Variants in MFAP1 observed in about 807,000 individuals in gnomAD.
MFAP1 encodes the protein microfibril associated protein 1, also known as microfibrillar-associated protein 1.
A neutral mutation model predicts 62.2 loss-of-function variants in MFAP1; 18 were observed. The observed-to-expected ratio is 0.29, with a 90% CI of 0.20 to 0.43. The LOEUF is 0.43. Ranked by LOEUF, MFAP1 falls within the 20% of genes least tolerant of loss-of-function variation. The pLI is 1.00. For synonymous variants in MFAP1, 175 were observed against 180.4 expected, an observed-to-expected ratio of 0.97 and a Z score of 0.24; for missense variants, 355 against 559.7, an observed-to-expected ratio of 0.63 and a Z score of 3.69.
intron 2 of MFAP1, among the ~76,000 whole-genome samples, chr15:43,816,876 A>C (rs151204107): frequency 2.0e-5 from 3 of 152,356 alleles, no homozygotes; most frequent in African/African-American, 7.2e-5. Flanking sequence ...TCAATTTACC[A>C]AAGTTTATAA....
At chr15:43,805,947 T>C (rs1039668995) in intron 7 of MFAP1, among the ~76,000 whole-genome samples, 1 of 109,858 alleles carries the variant, frequency 9.1e-6, no homozygotes, top group African/African-American at 3.0e-5. Context: ...GTATTTCTCC[T>C]TTTTTTTTTT....
rs754915275 is a variant in MFAP1 at position 43,815,089 on chromosome 15, C to T, written c.300-15G>A. The T allele has an allele frequency of 6.2e-7, 1 of 1,613,840 alleles. No individual in the cohort carries two copies. Among genetic ancestry groups the T allele is most frequent in the South Asian group, 1.1e-5 (1 of 91,046 alleles). On this transcript the variant is annotated splice_polypyrimidine_tract_variant and intron_variant, in intron 2 of 8. Transcript: ENST00000267812. ...GTCGAGCCAATCTGAAAAACAGTAT[C>T]TCCAAATGTAACACCAATGTCATAA...
At chr15:43,824,337 G>A (rs987680427) in intron 1 of MFAP1, among the ~76,000 whole-genome samples, 154 bp downstream of exon 1, 1 of 152,058 alleles carries the variant, frequency 6.6e-6, no homozygotes, top group Admixed American at 6.6e-5. Flanking sequence ...GAACAAGATC[G>A]GATGCAAGTG....
intron 7 of MFAP1, 146 bp from the exon 8 acceptor site, chr15:43,805,611 A>T (rs1383364736): frequency 6.3e-6 from 4 of 638,282 alleles, no homozygotes; most frequent in African/African-American, 1.9e-5. Flanking sequence ...TGAAGAGATG[A>T]CATTCTTTTT....
intron 1 of MFAP1, among the ~76,000 whole-genome samples, chr15:43,820,706 A>T (rs943224104): frequency 6.6e-6 from 1 of 152,126 alleles, no homozygotes; most frequent in Non-Finnish European, 1.5e-5. Flanking sequence ...CCTAGGCTCA[A>T]ACCATTCTCC....
At chr15:43,824,399 G>A in intron 1 of MFAP1, 92 bp downstream of exon 1, 2 of 1,218,090 alleles carry the variant, frequency 1.6e-6, no homozygotes, top group Non-Finnish European at 2.3e-6. Flanking sequence ...AAGAGCTGGC[G>A]GGGTTGGAGT....
At chr15:43,813,569 GGT>G (rs1214830636) in intron 4 of MFAP1, among the ~76,000 whole-genome samples, 1 of 146,698 alleles carries the variant, frequency 6.8e-6, no homozygotes, top group African/African-American at 2.6e-5. Flanking sequence ...GCAGTGCAGT[GGT>G]GTGATCTTGG....
chr15:43,809,106 G>A (rs1334862376), intron 7 of MFAP1, among the ~76,000 whole-genome samples: 3 of 152,158 alleles, frequency 2.0e-5, no homozygotes, highest in African/African-American at 7.2e-5. Context: ...ATTCAGCTAT[G>A]AAAGAATGAC....
chr15:43,823,657 A>G (rs2087481010), intron 1 of MFAP1, among the ~76,000 whole-genome samples: 1 of 152,192 alleles, frequency 6.6e-6, no homozygotes, highest in Admixed American at 6.5e-5. Flanking sequence ...GTTTATGGGC[A>G]TAAGACACCG....
At position 43,824,678 on chromosome 15, in the gene MFAP1, C is replaced by A; in HGVS notation, c.-109G>T. 9.3e-7 allele frequency: 1 copy of A among 1,069,972 alleles called. No homozygotes were observed. The highest frequency in any genetic ancestry group is 1.3e-5 in the South Asian group (1 of 75,830). 66.3% of individuals were successfully genotyped at this position (1,069,972 alleles called of 1,614,324 possible). ...CTTCCACCTGAGTCCGCGAACACAG[C>A]TGCGCGACTGATAGAGAAACTACTT... On this transcript the variant is annotated 5_prime_UTR_variant, in exon 1 of 9. Transcript: ENST00000267812.
At chr15:43,819,145 A>G (rs2087452327) in intron 1 of MFAP1, among the ~76,000 whole-genome samples, 1 of 152,186 alleles carries the variant, frequency 6.6e-6, no homozygotes, top group African/African-American at 2.4e-5. Flanking sequence ...GTGAGCTGAG[A>G]TCGTGCTACT....
chr15:43,807,090 C>T (rs2087370595), intron 7 of MFAP1, among the ~76,000 whole-genome samples: 1 of 152,010 alleles, frequency 6.6e-6, no homozygotes, highest in Admixed American at 6.5e-5. Context: ...GTAGCTCACG[C>T]CTGTAATCCC....
intron 2 of MFAP1, among the ~76,000 whole-genome samples, chr15:43,815,632 T>C (rs756279965): frequency 2.6e-5 from 4 of 151,718 alleles, no homozygotes; most frequent in African/African-American, 9.7e-5. Flanking sequence ...TAGGGATGCA[T>C]TGGGATTTTT....
chr15:43,813,922 T>C (rs192324424), intron 4 of MFAP1, among the ~76,000 whole-genome samples: 1 of 152,228 alleles, frequency 6.6e-6, no homozygotes, highest in East Asian at 1.9e-4. Context: ...AGGAAAGGAA[T>C]AGGAATTTGC....
chr15:43,805,724 T>G (rs1336860450), intron 7 of MFAP1, among the ~76,000 whole-genome samples: 1 of 151,982 alleles, frequency 6.6e-6, no homozygotes, highest in Non-Finnish European at 1.5e-5. Flanking sequence ...GCAGTTCTCC[T>G]GCCTCAGCCT....
At chr15:43,814,081 C>G (rs1366702278) in intron 4 of MFAP1, among the ~76,000 whole-genome samples, 1 of 151,944 alleles carries the variant, frequency 6.6e-6, no homozygotes, top group Admixed American at 6.6e-5. Flanking sequence ...TGGAAAAACC[C>G]CCTCTCTACT....
At position 43,815,046 on chromosome 15, in the gene MFAP1, G is replaced by C. The variant is rs772471851; in HGVS notation, c.328C>G (p.Pro110Ala). 6.2e-7 allele frequency: 1 copy of C among 1,613,894 alleles called. No individual in the cohort carries two copies. The highest frequency in any genetic ancestry group is 8.5e-7 in the Non-Finnish European group (1 of 1,179,994). ...RLARHRKIVEPEVVGESDSEV... is the reference protein window; with the variant it reads ...RLARHRKIVEAEVVGESDSEV... ...GAGTCACTCTCTCCTACCACTTCAG[G>C]TTCCACTATTTTTCGATGTCGAGCC... is the stretch of plus-strand genomic sequence containing the variant. Residue 110 changes from proline (P) to alanine (A), a missense_variant, in exon 3 of 9, where the codon CCT (proline) becomes GCT (alanine). This residue lies in a region of MFAP1 where 257 missense variants were observed against 341.3 expected (regional missense o/e 0.75). Transcript: ENST00000267812.
chr15:43,806,255 TATC>T (rs1452807280), intron 7 of MFAP1, among the ~76,000 whole-genome samples: 2 of 152,228 alleles, frequency 1.3e-5, no homozygotes, highest in African/African-American at 2.4e-5. Context: ...GGCTTTCATA[TATC>T]ATAAGTTGGA....
intron 2 of MFAP1, among the ~76,000 whole-genome samples, chr15:43,816,058 AAG>A (rs1283457520): frequency 2.0e-5 from 3 of 152,114 alleles, no homozygotes; most frequent in Non-Finnish European, 4.4e-5. Flanking sequence ...TAAAAAGTAA[AAG>A]AAAGTATAGT....
Sources: gnomAD v4.1 joint callset for allele counts (sites outside exome capture counted in the v4.1 genomes callset) on GRCh38, gnomAD v4.1.1 for gene constraint, gnomAD v4.1.1 regional missense constraint, MANE v1.5 for transcripts, NCBI Gene and HGNC (gene_info 2026-07-23, HGNC 2026-07-21) for gene names.